The following EXT1 variants were observed in gnomAD, a reference collection of about 807,000 sequenced individuals.
EXT1 encodes exostosin glycosyltransferase 1.
A neutral mutation model predicts 82.5 loss-of-function variants in EXT1; 20 were observed. That is an observed-to-expected ratio of 0.24 (90% confidence interval 0.17 to 0.35). EXT1 has a LOEUF of 0.35. EXT1 is among the 10% of genes least tolerant of loss of function. The probability of loss-of-function intolerance (pLI) is 1.00; values close to 1 mark genes in which losing one functional copy is unlikely to be tolerated. For synonymous variants in EXT1, 348 were observed against 350.8 expected, an observed-to-expected ratio of 0.99 and a Z score of 0.09; for missense variants, 757 against 936.5, an observed-to-expected ratio of 0.81 and a Z score of 2.50.
intron 1 of EXT1, among the ~76,000 whole-genome samples, chr8:117,883,711 C>G (rs1586262853): frequency 6.6e-6 from 1 of 152,190 alleles, no homozygotes; most frequent in Non-Finnish European, 1.5e-5. Flanking sequence ...CGAAGTGCAC[C>G]TGGAGAGCCC....
intron 1 of EXT1, among the ~76,000 whole-genome samples, chr8:117,927,587 A>G (rs989714521): frequency 2.0e-5 from 2 of 101,884 alleles, no homozygotes; most frequent in Admixed American, 1.3e-4. Context: ...GCACAGGGGT[A>G]CTGTCACTTA....
chr8:117,923,897 A>C (rs1813906787), intron 1 of EXT1, among the ~76,000 whole-genome samples: 1 of 152,156 alleles, frequency 6.6e-6, no homozygotes, highest in South Asian at 2.1e-4. Context: ...TTCACCAATC[A>C]ATTAGTGTTA....
intron 1 of EXT1, among the ~76,000 whole-genome samples, chr8:117,958,549 C>T (rs1814634019): frequency 6.6e-6 from 1 of 152,162 alleles, no homozygotes; most frequent in African/African-American, 2.4e-5. Flanking sequence ...ATCTGAATCA[C>T]ATCTAAACTA....
At position 118,094,678 on chromosome 8, in the gene EXT1, G is replaced by C. The variant is rs867554387; in HGVS notation, c.962+15407C>G. On this transcript the variant is annotated intron_variant, in intron 1 of 10. Coordinates refer to ENST00000378204, the MANE Select transcript of EXT1 (RefSeq NM_000127.3). ...TATCTCCATTTTACAAGTGAAGAACGGAAACAGGGAAGCTGACCAAGGTCT... is the reference window on the plus strand; with the variant it reads ...TATCTCCATTTTACAAGTGAAGAACCGAAACAGGGAAGCTGACCAAGGTCT... 2.6e-5 allele frequency among the ~76,000 whole-genome samples: 4 copies of C among 152,290 alleles called. No homozygotes were observed. The South Asian group carries it at 8.3e-4, about 32-fold the overall frequency.
chr8:118,064,821 T>C (rs932084177), intron 1 of EXT1, among the ~76,000 whole-genome samples: 7 of 151,870 alleles, frequency 4.6e-5, no homozygotes, highest in African/African-American at 1.7e-4. Context: ...CGTATTTCTC[T>C]ACATCTTCTT....
chr8:118,110,940 C>A lies in EXT1; in HGVS notation c.107G>T (p.Arg36Leu), dbSNP rs746188012. Residue 36 changes from arginine to leucine, a missense_variant, in exon 1 of 11, where the codon CGG becomes CTG. By Grantham distance (102) the Arg-to-Leu change is moderately radical (BLOSUM62 -2). This residue lies in a region of EXT1 where 175 missense variants were observed against 159.0 expected (regional missense o/e 1.10). Transcript: ENST00000378204. ...ATTCCTACCGCTGTGTTCTTCTCTC[C>A]GGCTGTGGCTCCTCGATGCCCTAAA... ...LQFRASRSHSRREEHSGRNGL... is the reference protein window; with the variant it reads ...LQFRASRSHSLREEHSGRNGL... 3.7e-6 allele frequency: 6 copies of A among 1,613,548 alleles called. No individual in the cohort carries two copies. In the African/African-American group the frequency reaches 6.7e-5, roughly 18 times the overall value.
chr8:118,108,548 A>C (rs949218911), intron 1 of EXT1, among the ~76,000 whole-genome samples: 20 of 152,250 alleles, frequency 1.3e-4, no homozygotes, highest in African/African-American at 4.6e-4. Flanking sequence ...GCAACTGCAC[A>C]TTCATACATA....
intron 1 of EXT1, among the ~76,000 whole-genome samples, chr8:118,092,906 C>T (rs1327351802): frequency 6.6e-6 from 1 of 152,200 alleles, no homozygotes; most frequent in Non-Finnish European, 1.5e-5. Flanking sequence ...ACAGTTCTTA[C>T]ACCATGTCCT....
intron 1 of EXT1, among the ~76,000 whole-genome samples, chr8:117,972,296 T>C (rs1007014865): frequency 2.6e-4 from 39 of 152,356 alleles, no homozygotes; most frequent in African/African-American, 8.7e-4. Flanking sequence ...CTTTTGCCTA[T>C]GCATTTTTCA....
chr8:117,917,444 G>A (rs1046540490), intron 1 of EXT1, among the ~76,000 whole-genome samples: 1 of 152,162 alleles, frequency 6.6e-6, no homozygotes, highest in African/African-American at 2.4e-5. Flanking sequence ...CAGCCTGGAC[G>A]ACAGAGTGAG....
At chr8:117,979,609 G>A (rs1486082163) in intron 1 of EXT1, among the ~76,000 whole-genome samples, 3 of 151,684 alleles carry the variant, frequency 2.0e-5, no homozygotes, top group Non-Finnish European at 4.4e-5. Context: ...AGGGTAACAC[G>A]AACATGAAAA....
chr8:117,887,690 C>T (rs1813171968), intron 1 of EXT1, among the ~76,000 whole-genome samples: 1 of 147,316 alleles, frequency 6.8e-6, no homozygotes, highest in African/African-American at 2.5e-5. Context: ...CTCTCTTTCT[C>T]ATTGCTTATC....
At chr8:118,052,373 T>G (rs1475548545) in intron 1 of EXT1, among the ~76,000 whole-genome samples, 1 of 152,266 alleles carries the variant, frequency 6.6e-6, no homozygotes, top group African/African-American at 2.4e-5. Flanking sequence ...ATAAACATTT[T>G]GTTTTTACTT....
At chr8:118,090,973 G>A (rs527640651) in intron 1 of EXT1, among the ~76,000 whole-genome samples, 109 of 152,048 alleles carry the variant, frequency 7.2e-4, no homozygotes, top group Non-Finnish European at 1.3e-3. Flanking sequence ...TTAGCAAGGA[G>A]GCTCTGGTCC....
intron 1 of EXT1, among the ~76,000 whole-genome samples, chr8:117,889,081 T>G: frequency 6.6e-6 from 1 of 152,162 alleles, no homozygotes; most frequent in East Asian, 1.9e-4. Context: ...TCCATTCCTT[T>G]GCTATGAGAT....
chr8:117,934,438 G>GC (rs1814120435), intron 1 of EXT1, among the ~76,000 whole-genome samples: 1 of 152,158 alleles, frequency 6.6e-6, no homozygotes, highest in East Asian at 1.9e-4. Context: ...GTTGCAAGAG[G>GC]CCCCCCAGGG....
chr8:117,949,309 A>C (rs950246736), intron 1 of EXT1, among the ~76,000 whole-genome samples: 5 of 152,100 alleles, frequency 3.3e-5, no homozygotes, highest in African/African-American at 9.7e-5. Flanking sequence ...TGAATACCAA[A>C]TATTCATGTA....
intron 1 of EXT1, among the ~76,000 whole-genome samples, chr8:117,950,729 T>G (rs1181690624): frequency 1.3e-5 from 2 of 152,194 alleles, no homozygotes; most frequent in Non-Finnish European, 2.9e-5. Flanking sequence ...ATAGGTATAT[T>G]GGACCATTAG....
At chr8:118,105,134 GCCAGGC>G (rs1817785848) in intron 1 of EXT1, among the ~76,000 whole-genome samples, 2 of 152,152 alleles carry the variant, frequency 1.3e-5, no homozygotes, top group African/African-American at 4.8e-5. Context: ...GAGCAAAGCA[GCCAGGC>G]CCTACCAAGC....
Sources: gnomAD v4.1 joint callset for allele counts (sites outside exome capture counted in the v4.1 genomes callset) on GRCh38, gnomAD v4.1.1 for gene constraint, gnomAD v4.1.1 regional missense constraint, MANE v1.5 for transcripts, NCBI Gene and HGNC (gene_info 2026-07-23, HGNC 2026-07-21) for gene names.